Variants in PTPRD observed in about 807,000 individuals in gnomAD.
PTPRD encodes protein tyrosine phosphatase receptor type D.
PTPRD carries 34 observed loss-of-function variants against 214.5 expected under a neutral mutation model. That is an observed-to-expected ratio of 0.16 (90% CI 0.12 to 0.21). The LOEUF is 0.21. Among genes scored for constraint, PTPRD ranks in the 10% least tolerant of loss-of-function variants. The pLI is 1.00. For synonymous variants in PTPRD, 1,128 were observed against 845.7 expected (o/e 1.33, Z -5.79); for missense variants, 2,545 against 2,398.7 (o/e 1.06, Z -1.27).
At chr9:10,034,482 C>T (rs957254207) in intron 3 of PTPRD, among the ~76,000 whole-genome samples, 9 of 141,064 alleles carry the variant, frequency 6.4e-5, no homozygotes, top group African/African-American at 2.6e-5. Context: ...CATAGGGAAA[C>T]GTGTCATAGG....
chr9:9,323,378 T>C (rs1967689283), intron 9 of PTPRD, among the ~76,000 whole-genome samples: 1 of 152,158 alleles, frequency 6.6e-6, no homozygotes, highest in Non-Finnish European at 1.5e-5. Context: ...GAGAGTTAGG[T>C]AGAAGTACAA....
intron 2 of PTPRD, among the ~76,000 whole-genome samples, chr9:10,414,203 G>A (rs557634118): frequency 3.3e-5 from 5 of 151,814 alleles, no homozygotes; most frequent in Admixed American, 6.6e-5. Context: ...TGCAAACTAC[G>A]TGTCTGACAA....
At chr9:8,345,383 C>A (rs556296418) in intron 39 of PTPRD, among the ~76,000 whole-genome samples, 201 of 152,204 alleles carry the variant, frequency 1.3e-3, no homozygotes, top group South Asian at 3.3e-3. Flanking sequence ...ACCCCCAGTG[C>A]TTCACAATGC....
chr9:8,887,220 TTCTTAAAG>T (rs1443520714), intron 11 of PTPRD, among the ~76,000 whole-genome samples: 1 of 152,194 alleles, frequency 6.6e-6, no homozygotes, highest in African/African-American at 2.4e-5. Flanking sequence ...CTGCTGCCTC[TTCTTAAAG>T]TGAGTATCTC....
intron 14 of PTPRD, among the ~76,000 whole-genome samples, chr9:8,584,452 G>GAA (rs72547113): frequency 1.2e-4 from 17 of 145,356 alleles, no homozygotes; most frequent in Admixed American, 2.7e-4. Flanking sequence ...ATTAGTTACT[G>GAA]AAAAAAAAAA....
At chr9:10,485,551 A>G (rs1029848741) in intron 2 of PTPRD, among the ~76,000 whole-genome samples, 4 of 152,016 alleles carry the variant, frequency 2.6e-5, no homozygotes, top group Admixed American at 2.0e-4. Context: ...AATATTGTAC[A>G]GTTTTCATTA....
intron 8 of PTPRD, among the ~76,000 whole-genome samples, chr9:9,406,684 G>T (rs1425767845): frequency 6.6e-6 from 1 of 151,866 alleles, no homozygotes; most frequent in Admixed American, 6.6e-5. Flanking sequence ...GAGCAGGATT[G>T]AAAGAGTGAT....
chr9:9,975,093 C>T (rs998079419), intron 4 of PTPRD, among the ~76,000 whole-genome samples: 1 of 151,810 alleles, frequency 6.6e-6, no homozygotes, highest in Non-Finnish European at 1.5e-5. Flanking sequence ...CCCACTCTCC[C>T]GTTAGCACTG....
chr9:10,549,783 G>A (rs2060917332), intron 2 of PTPRD, among the ~76,000 whole-genome samples: 1 of 152,008 alleles, frequency 6.6e-6, no homozygotes, highest in African/African-American at 2.4e-5. Context: ...GTATTCCACT[G>A]TACTTCCAGA....
intron 14 of PTPRD, among the ~76,000 whole-genome samples, chr9:8,565,148 G>T (rs12235202): frequency 6.6e-6 from 1 of 152,074 alleles, no homozygotes; most frequent in East Asian, 1.9e-4. Context: ...CAAGCTAACC[G>T]CAGTGGTTTT....
Position 8,348,776 on chromosome 9 carries a change from C to T in PTPRD, c.4662-6798G>A, listed in dbSNP as rs1436914421. On this transcript the variant is annotated intron_variant, in intron 39 of 45. Coordinates refer to ENST00000381196, the MANE Select transcript of PTPRD (RefSeq NM_002839.4). ...GACGCTGGACCTTCTACCTCCTTCT[C>T]ATCTGTTGACATGTACTTTCCTTCA... Among the ~76,000 whole-genome samples the T allele has an allele frequency of 3.9e-5, 6 of 152,316 alleles. No homozygotes were observed. In the South Asian group the frequency reaches 1.0e-3, roughly 26 times the overall value.
chr9:10,574,454 G>C (rs2068505298), intron 2 of PTPRD, among the ~76,000 whole-genome samples: 1 of 151,872 alleles, frequency 6.6e-6, no homozygotes, highest in African/African-American at 2.4e-5. Flanking sequence ...CCAAATCTGT[G>C]ACTATAGAGA....
chr9:10,149,563 C>T (rs2099046468), intron 3 of PTPRD, among the ~76,000 whole-genome samples: 1 of 152,124 alleles, frequency 6.6e-6, no homozygotes, highest in Non-Finnish European at 1.5e-5. Context: ...TACTCGTACT[C>T]CTGCCTAGTC....
At chr9:8,883,108 C>G (rs1274547567) in intron 11 of PTPRD, among the ~76,000 whole-genome samples, 1 of 152,064 alleles carries the variant, frequency 6.6e-6, no homozygotes, top group African/African-American at 2.4e-5. Context: ...ATAATCAGTA[C>G]CACTAATTGA....
At chr9:9,101,312 T>A (rs1282605789) in intron 10 of PTPRD, among the ~76,000 whole-genome samples, 1 of 152,170 alleles carries the variant, frequency 6.6e-6, no homozygotes, top group Non-Finnish European at 1.5e-5. Flanking sequence ...AGGTAGATAG[T>A]AGTTTCTTAT....
intron 11 of PTPRD, among the ~76,000 whole-genome samples, chr9:8,848,008 C>A (rs1028251240): frequency 1.3e-5 from 2 of 151,902 alleles, no homozygotes; most frequent in African/African-American, 4.8e-5. Context: ...TGATTTCTTA[C>A]CTGTTGGGCA....
At chr9:10,378,745 A>T (rs1451256037) in intron 2 of PTPRD, among the ~76,000 whole-genome samples, 1 of 152,032 alleles carries the variant, frequency 6.6e-6, no homozygotes, top group Non-Finnish European at 1.5e-5. Flanking sequence ...GAAGTCAGGT[A>T]ATGTGAATCC....
chr9:10,056,113 G>T (rs2097641607), intron 3 of PTPRD, among the ~76,000 whole-genome samples: 1 of 151,850 alleles, frequency 6.6e-6, no homozygotes, highest in South Asian at 2.1e-4. Context: ...ATGAGGTCAG[G>T]AGTTTGAGAC....
intron 10 of PTPRD, among the ~76,000 whole-genome samples, chr9:9,172,857 G>A (rs1406127253): frequency 6.6e-6 from 1 of 152,024 alleles, no homozygotes; most frequent in Non-Finnish European, 1.5e-5. Flanking sequence ...CACTGTTTTT[G>A]CCCCATTTAT....
Sources: gnomAD v4.1 joint callset for allele counts (sites outside exome capture counted in the v4.1 genomes callset) on GRCh38, gnomAD v4.1.1 for gene constraint, MANE v1.5 for transcripts, NCBI Gene and HGNC (gene_info 2026-07-23, HGNC 2026-07-21) for gene names.